The following CHGB variants were observed in gnomAD, a reference collection of about 807,000 sequenced individuals.
CHGB encodes the protein chromogranin B, also known as secretogranin-1.
A neutral mutation model predicts 69.9 loss-of-function variants in CHGB; 46 were observed. The observed-to-expected ratio is 0.66, with a 90% CI of 0.52 to 0.84. The LOEUF (loss-of-function observed/expected upper bound fraction) is 0.84. Ranked by LOEUF, CHGB falls within the 40% of genes least tolerant of loss-of-function variation. CHGB has a pLI of 0.00. For missense variants in CHGB, 796 were observed against 822.2 expected, an observed-to-expected ratio of 0.97 and a Z score of 0.39; for synonymous variants, 312 against 298.2, an observed-to-expected ratio of 1.05 and a Z score of -0.48.
intron 3 of CHGB, among the ~76,000 whole-genome samples, chr20:5,921,131 T>C (rs951474672): frequency 1.3e-5 from 2 of 152,186 alleles, no homozygotes; most frequent in African/African-American, 4.8e-5. Flanking sequence ...TTTTCTGATA[T>C]ATAATTTTAT....
At chr20:5,924,660 G>GT (rs1346770398) in intron 4 of CHGB, among the ~76,000 whole-genome samples, 10 of 152,014 alleles carry the variant, frequency 6.6e-5, no homozygotes, top group Admixed American at 3.3e-4. Flanking sequence ...CCCAAACAAT[G>GT]TTTTTTTTCC....
intron 3 of CHGB, 141 bp downstream of exon 3, chr20:5,917,060 T>G (rs565439113): frequency 1.3e-6 from 1 of 751,262 alleles, no homozygotes; most frequent in Admixed American, 2.1e-5. Flanking sequence ...TAGGCCAGTA[T>G]CTGGGAGACA....
rs1173788426 is a variant in CHGB, at chr20:5,923,713, C to A, written c.1569C>A (p.Asn523Lys). The A allele has an allele frequency of 1.9e-6, 3 of 1,614,036 alleles. No homozygotes were observed. In the African/African-American group the frequency reaches 4.0e-5, roughly 22 times the overall value. ...EKRKRLGELFNPYYDPLQWKS... is the reference protein window; with the variant it reads ...EKRKRLGELFKPYYDPLQWKS... ...GGAAGAGATTAGGGGAACTGTTCAA[C>A]CCATACTACGACCCTCTCCAGTGGA... Residue 523 changes from asparagine (N) to lysine (K), a missense_variant, in exon 4 of 5, where the codon AAC (asparagine) becomes AAA (lysine). By Grantham distance (94) the Asn-to-Lys change is moderately conservative. This residue lies in a region of CHGB where 274 missense variants were observed against 298.9 expected (regional missense o/e 0.92). Transcript: ENST00000378961.
At chr20:5,914,695 T>G (rs1327350554) in intron 1 of CHGB, 1 of 152,098 alleles carries the variant, frequency 6.6e-6, no homozygotes, top group Non-Finnish European at 1.5e-5. Flanking sequence ...CAAGTAGCCA[T>G]TTGGAGGATG....
intron 2 of CHGB, 76 bp downstream of exon 2, chr20:5,916,448 C>A: frequency 8.1e-7 from 1 of 1,238,964 alleles, no homozygotes; most frequent in Non-Finnish European, 1.2e-6. Context: ...TTATACCAAA[C>A]CAAACACACG....
At chr20:5,916,458 G>A (rs780720048) in intron 2 of CHGB, 86 bp downstream of exon 2, 221 of 1,157,720 alleles carry the variant, frequency 1.9e-4, no homozygotes, top group Non-Finnish European at 2.7e-4. Context: ...CCAAACACAC[G>A]CATGACATAA....
intron 3 of CHGB, among the ~76,000 whole-genome samples, chr20:5,921,524 G>A (rs935628823): frequency 2.6e-5 from 4 of 152,220 alleles, no homozygotes; most frequent in Non-Finnish European, 5.9e-5. Context: ...ATTTGGAAAA[G>A]ATGGACGAGA....
In CHGB at chr20:5,911,638, A is replaced by C; in HGVS notation, c.5A>C (p.Gln2Pro). The C allele has an allele frequency of 6.6e-7, 1 of 1,512,984 alleles. No homozygotes were observed. 93.7% of individuals were successfully genotyped at this position (1,512,984 alleles called of 1,614,324 possible). The change falls in exon 1 of 5, where the codon CAG becomes CCG. Residue 2 changes from glutamine to proline, a missense_variant. Gln to Pro is a moderately conservative substitution (Grantham distance 76). Transcript: ENST00000378961. ...CAGGGGCCGCCGAGCGGGGCCATGC[A>C]GCCAACGCTGCTTCTCAGCCTCCTG... is the stretch of plus-strand genomic sequence containing the variant. M[Q>P]PTLLLSLLGA...
At position 5,911,511 on chromosome 20, in the gene CHGB, C is replaced by T. The variant is rs1175095005; in HGVS notation, c.-123C>T. On this transcript the variant is annotated 5_prime_UTR_variant, in exon 1 of 5. Coordinates refer to ENST00000378961, the MANE Select transcript of CHGB (RefSeq NM_001819.3). ...AGCGGGGCCTGCGCCGGCCGCGCCA[C>T]ACCGCGGGGACCAGGAGGCACGCTG... 3.7e-6 allele frequency: 4 copies of T among 1,070,706 alleles called. No individual in the cohort carries two copies. The highest frequency in any genetic ancestry group is 6.1e-5 in the East Asian group (2 of 32,556). The allele number at this position is 1,070,706 out of a possible 1,614,324, so 66.3% of individuals were successfully genotyped here. A position where few individuals can be genotyped will look rare whatever the true frequency, so the allele number is the denominator to read the frequency against.
chr20:5,923,606 G>A lies in CHGB; in HGVS notation c.1462G>A (p.Asp488Asn), dbSNP rs1252421481. The A allele has an allele frequency of 9.3e-6, 15 of 1,613,976 alleles. No individual in the cohort carries two copies. Among genetic ancestry groups the A allele is most frequent in the Non-Finnish European group, 1.3e-5 (15 of 1,180,050 alleles). Residue 488 changes from aspartate to asparagine, a missense_variant, in exon 4 of 5, where the codon GAC becomes AAC. By Grantham distance (23) the Asp-to-Asn change is conservative (BLOSUM62 1). Around this residue, in one of 3 missense-constraint regions of CHGB, gnomAD observed 274 missense variants for 298.9 expected, o/e 0.92. Transcript: ENST00000378961. ...GAPGKWQQQG[D>N]LQDTKENREE... ...CCCAGGGAAGTGGCAGCAGCAGGGA[G>A]ACCTGCAGGACACTAAAGAAAACAG...
At chr20:5,924,688 G>A (rs988022465) in intron 4 of CHGB, among the ~76,000 whole-genome samples, 2 of 152,140 alleles carry the variant, frequency 1.3e-5, no homozygotes, top group Non-Finnish European at 1.5e-5. Flanking sequence ...GATTATGTAG[G>A]TTGGTGCTTC....
chr20:5,911,660 C>T lies in CHGB; in HGVS notation c.27C>T (p.Leu9=), dbSNP rs529120729. Residue 9 remains leucine (L), a synonymous_variant, in exon 1 of 5, where the codon CTC becomes CTT. Coordinates refer to ENST00000378961, the MANE Select transcript of CHGB (RefSeq NM_001819.3). ...TGCAGCCAACGCTGCTTCTCAGCCTCCTGGGAGCCGTGGGGCTGGCGGGTG... is the reference window on the plus strand; with the variant it reads ...TGCAGCCAACGCTGCTTCTCAGCCTTCTGGGAGCCGTGGGGCTGGCGGGTG... MQPTLLLS[L]LGAVGLAAVN... is the part of the protein sequence containing the mutation. 1.3e-5 allele frequency: 20 copies of T among 1,500,412 alleles called. No homozygotes were observed. Among genetic ancestry groups the T allele is most frequent in the Admixed American group, 2.1e-5 (1 of 46,562 alleles). The allele number at this position is 1,500,412 out of a possible 1,614,324, so 92.9% of individuals were successfully genotyped here.
Position 5,911,585 on chromosome 20 carries a change from C to G in CHGB, c.-49C>G. 3 of 1,513,270 alleles carry G rather than the reference C, an allele frequency of 2.0e-6. No individual in the cohort carries two copies. The highest frequency in any genetic ancestry group is 2.6e-6 in the Non-Finnish European group (3 of 1,134,742). 93.7% of individuals were successfully genotyped at this position (1,513,270 alleles called of 1,614,324 possible). A position where few individuals can be genotyped will look rare whatever the true frequency, so the allele number is the denominator to read the frequency against. Reference sequence around the variant, plus strand: ...GCCTTCCTCCTGCGCCTCGCTTCTCCGGTCCAGCCGCCATCTTCCTTTCCG... The same window carrying G: ...GCCTTCCTCCTGCGCCTCGCTTCTCGGGTCCAGCCGCCATCTTCCTTTCCG... On this transcript the variant is annotated 5_prime_UTR_variant, in exon 1 of 5. Transcript: ENST00000378961.
At chr20:5,911,827 C>T (rs934723907) in intron 1 of CHGB, 145 bp downstream of exon 1, 3 of 819,822 alleles carry the variant, frequency 3.7e-6, no homozygotes, top group African/African-American at 1.8e-5. Flanking sequence ...CTTCTCCTCC[C>T]TGGGTGTTTT....
At chr20:5,916,232 AAC>A (rs1223259361) in intron 1 of CHGB, 92 bp from the exon 2 acceptor site, 1 of 907,140 alleles carries the variant, frequency 1.1e-6, no homozygotes, top group Non-Finnish European at 1.8e-6. Context: ...CCAGGGGAAA[AAC>A]AACAACTAAT....
At position 5,916,811 on chromosome 20, in the gene CHGB, C is replaced by CCT; in HGVS notation, c.97-15_97-14insCT. On this transcript the variant is annotated splice_polypyrimidine_tract_variant and intron_variant, in intron 2 of 4. Coordinates refer to ENST00000378961, the MANE Select transcript of CHGB (RefSeq NM_001819.3). ...GATACCAGCTTCTCCAACCTGCTTT[C>CCT]GGGTTTCCCCCCAGGTGACTCGCTG... is the stretch of plus-strand genomic sequence containing the variant. 6.2e-7 allele frequency: 1 copy of CCT among 1,613,680 alleles called. No homozygotes were observed. The highest frequency in any genetic ancestry group is 8.5e-7 in the Non-Finnish European group (1 of 1,179,546).
rs748250834 is a variant in CHGB at position 5,923,443 on chromosome 20, C to T, written c.1299C>T (p.Asp433=). 3 of 1,614,138 alleles carry T rather than the reference C, an allele frequency of 1.9e-6. No homozygotes were observed. The highest frequency in any genetic ancestry group is 1.7e-6 in the Non-Finnish European group (2 of 1,180,034). Residue 433 remains aspartate, a synonymous_variant, in exon 4 of 5, where the codon GAC becomes GAT. Coordinates refer to ENST00000378961, the MANE Select transcript of CHGB (RefSeq NM_001819.3). ...AGCCACGTGCCTATTTCATGTCTGACACCAGAGAAGAGAAAAGGTTCTTGG... is the reference window on the plus strand; with the variant it reads ...AGCCACGTGCCTATTTCATGTCTGATACCAGAGAAGAGAAAAGGTTCTTGG... The part of the protein sequence containing the change: ...GGEPRAYFMS[D]TREEKRFLGE...
At position 5,922,699 on chromosome 20, in the gene CHGB, G is replaced by A. The variant is rs146850819; in HGVS notation, c.555G>A (p.Glu185=). The A allele has an allele frequency of 9.0e-5, 146 of 1,613,876 alleles. No individual in the cohort carries two copies. The highest frequency in any genetic ancestry group is 1.1e-4 in the Non-Finnish European group (132 of 1,179,890). ...AGCGAGGGGAAGATAGCAGTGAAGA[G>A]AAACACCTTGAAGAGCCAGGAGAGA... ...KGERGEDSSE[E]KHLEEPGETQ... Residue 185 remains glutamate, a synonymous_variant, in exon 4 of 5, where the codon GAG becomes GAA. Coordinates refer to ENST00000378961, the MANE Select transcript of CHGB (RefSeq NM_001819.3).
Position 5,923,679 on chromosome 20 carries a change from C to A in CHGB, c.1535C>A (p.Ala512Asp), listed in dbSNP as rs761515949. The change falls in exon 4 of 5, where the codon GCT (alanine) becomes GAT (aspartate). Residue 512 changes from alanine (A) to aspartate (D), a missense_variant. Ala to Asp is a moderately radical substitution (Grantham distance 126, BLOSUM62 -2). Transcript: ENST00000378961. ...QDKQYSSHHT[A>D]EKRKRLGELF... is the part of the protein sequence containing the mutation. ...AAACAATATAGCTCCCATCACACAGCTGAAAAGAGGAAGAGATTAGGGGAA... is the reference window on the plus strand; with the variant it reads ...AAACAATATAGCTCCCATCACACAGATGAAAAGAGGAAGAGATTAGGGGAA... The A allele has an allele frequency of 1.2e-6, 2 of 1,614,098 alleles. No individual in the cohort carries two copies. The highest frequency in any genetic ancestry group is 2.2e-5 in the South Asian group (2 of 91,082).
Sources: allele counts gnomAD v4.1 joint callset (sites outside exome capture counted in the v4.1 genomes callset), GRCh38; gene constraint gnomAD v4.1.1; regional missense constraint gnomAD v4.1.1; transcripts MANE v1.5; gene names NCBI Gene and HGNC (gene_info 2026-07-23, HGNC 2026-07-21).